The following VPS13D variants were observed in gnomAD, a reference collection of about 807,000 sequenced individuals.
VPS13D encodes the protein intermembrane lipid transfer protein VPS13D.
In VPS13D, 187 loss-of-function variants were observed where a neutral mutation model predicts 461.9. The observed-to-expected ratio is 0.40, with a 90% CI of 0.36 to 0.46. VPS13D has a LOEUF of 0.46. Ranked by LOEUF, VPS13D falls within the 20% of genes least tolerant of loss-of-function variation. The probability of loss-of-function intolerance (pLI) is 0.60; values close to 1 mark genes in which losing one functional copy is unlikely to be tolerated. For missense variants in VPS13D, 4,711 were observed against 5,364.9 expected (o/e 0.88, Z 3.81); for synonymous variants, 1,951 against 1,986.3 (o/e 0.98, Z 0.47).
chr1:12,292,593 T>C (rs2101429448), intron 23 of VPS13D, among the ~76,000 whole-genome samples: 1 of 151,970 alleles, frequency 6.6e-6, no homozygotes, highest in Middle Eastern at 3.4e-3. Context: ...GCATGCACCA[T>C]CACACCCGGC....
At position 12,279,703 on chromosome 1, in the gene VPS13D, AATATG is replaced by A. The variant is rs1195563407; in HGVS notation, c.4602+58_4602+62del. 1.4e-6 allele frequency: 2 copies of A among 1,406,136 alleles called. No individual in the cohort carries two copies. Among genetic ancestry groups the A allele is most frequent in the Non-Finnish European group, 1.9e-6 (2 of 1,046,448 alleles). The allele number at this position is 1,406,136 out of a possible 1,614,324, so 87.1% of individuals were successfully genotyped here. On this transcript the variant is annotated intron_variant, in intron 20 of 69. Transcript: ENST00000620676. This position sits in a 1 kb window ranked among gnomAD's most constrained non-coding sequence, Gnocchi z 4.3. ...CATATGTTTATATTAGTACTCTATA[AATATG>A]ATATATATTTATGTATATTACATGT...
intron 65 of VPS13D, among the ~76,000 whole-genome samples, chr1:12,427,589 C>T (rs1644939087): frequency 6.6e-6 from 1 of 152,030 alleles, no homozygotes; most frequent in South Asian, 2.1e-4. Flanking sequence ...ATAGCATTTA[C>T]ATGGTAAAGT....
rs147297124 is a variant in VPS13D, at chr1:12,283,402, C to T, written c.5300C>T (p.Thr1767Ile). ...CCCTTGACCCCACCTCCTTCTCCAA[C>T]AGTGGATGAGCCCAAGATACTTGTT... ...DYPLTPPPSPTVDEPKILVGK... is the reference protein window; with the variant it reads ...DYPLTPPPSPIVDEPKILVGK... The change falls in exon 21 of 70, where the codon ACA (threonine) becomes ATA (isoleucine). Residue 1767 changes from threonine (T) to isoleucine (I), a missense_variant. By Grantham distance (89) the Thr-to-Ile change is moderately conservative. This residue lies in a region of VPS13D where 4,411 missense variants were observed against 4,937.8 expected (regional missense o/e 0.89). Coordinates refer to ENST00000620676, the MANE Select transcript of VPS13D (RefSeq NM_015378.4). 284 of 1,614,226 alleles carry T rather than the reference C, an allele frequency of 1.8e-4. 3 individuals carry two copies. The East Asian group carries it at 3.5e-3, about 20-fold the overall frequency.
At chr1:12,267,417 A>G (rs1204038289) in intron 14 of VPS13D, among the ~76,000 whole-genome samples, 1 of 152,182 alleles carries the variant, frequency 6.6e-6, no homozygotes, top group Admixed American at 6.5e-5. Flanking sequence ...AATTTTTAAA[A>G]TATAATATAC....
chr1:12,483,954 T>C (rs1280777423), intron 67 of VPS13D, among the ~76,000 whole-genome samples: 1 of 150,516 alleles, frequency 6.6e-6, no homozygotes, highest in East Asian at 2.0e-4. Flanking sequence ...GCCGAGATGG[T>C]GCCACTGCAC....
chr1:12,415,212 T>A lies in VPS13D; in HGVS notation c.12156T>A (p.His4052Gln), dbSNP rs147406998. 3 of 1,614,094 alleles carry A rather than the reference T, an allele frequency of 1.9e-6. No individual in the cohort carries two copies. Among genetic ancestry groups the A allele is most frequent in the African/African-American group, 1.3e-5 (1 of 75,062 alleles). Residue 4052 changes from histidine (H) to glutamine (Q), a missense_variant, in exon 64 of 70, where the codon CAT (histidine) becomes CAA (glutamine). Coordinates refer to ENST00000620676, the MANE Select transcript of VPS13D (RefSeq NM_015378.4). Reference sequence around the variant, plus strand: ...TCATCATCAATGATATCCTCAAACATTTCCAGGAGGTGAGGCTTGGAGAAG... The same window carrying A: ...TCATCATCAATGATATCCTCAAACAATTCCAGGAGGTGAGGCTTGGAGAAG... Reference protein sequence around the residue: ...KEFIINDILKHFQEELLSQAA... With the variant: ...KEFIINDILKQFQEELLSQAA...
chr1:12,365,362 T>C (rs952129246), intron 52 of VPS13D, among the ~76,000 whole-genome samples: 2 of 152,228 alleles, frequency 1.3e-5, no homozygotes, highest in Non-Finnish European at 2.9e-5. Flanking sequence ...TCTTAAAAAT[T>C]ATGTTTTCCA....
At chr1:12,384,979 T>G (rs1644332080) in intron 58 of VPS13D, among the ~76,000 whole-genome samples, 1 of 152,168 alleles carries the variant, frequency 6.6e-6, no homozygotes, top group African/African-American at 2.4e-5. Context: ...TCTTGAGGTT[T>G]GCATATTTTG....
At chr1:12,379,865 T>G (rs1644249499) in intron 57 of VPS13D, among the ~76,000 whole-genome samples, 1 of 151,392 alleles carries the variant, frequency 6.6e-6, no homozygotes, top group Non-Finnish European at 1.5e-5. Flanking sequence ...GCCTCCCGGG[T>G]TCACGCCATT....
At position 12,333,305 on chromosome 1, in the gene VPS13D, ACTGAAG is replaced by A; in HGVS notation, c.8370_8375del (p.Lys2791_Leu2792del). The A allele has an allele frequency of 6.2e-7, 1 of 1,614,154 alleles. No homozygotes were observed. The highest frequency in any genetic ancestry group is 8.5e-7 in the Non-Finnish European group (1 of 1,180,004). ...CAGCTAGTCGTCTCCATCCTCCTCG[ACTGAAG>A]CTAGAAGCCAAGGCCAAACCTCGTT... On this transcript the variant is annotated inframe_deletion, in exon 38 of 70. Transcript: ENST00000620676.
chr1:12,244,495 A>C, intron 4 of VPS13D, 42 bp from the exon 5 acceptor site: 1 of 1,614,018 alleles, frequency 6.2e-7, no homozygotes, highest in Non-Finnish European at 8.5e-7. Flanking sequence ...TAAGATGAGC[A>C]AGAACACTAG....
chr1:12,256,889 A>G, intron 8 of VPS13D, 98 bp from the exon 9 acceptor site: 1 of 1,294,126 alleles, frequency 7.7e-7, no homozygotes, highest in Non-Finnish European at 1.1e-6. Context: ...AATTCAGTGG[A>G]TCAACTAATG....
Position 12,302,832 on chromosome 1 carries a change from CTT to C in VPS13D, c.6217-1656_6217-1655del, listed in dbSNP as rs60602915. Among the ~76,000 whole-genome samples, 571 of 121,064 alleles carry C rather than the reference CTT, an allele frequency of 4.7e-3. 3 individuals are homozygous for C. The highest frequency in any genetic ancestry group is 0.014 in the African/African-American group (471 of 32,714). 79.4% of individuals were successfully genotyped at this position (121,064 alleles called of 152,430 possible). A position where few individuals can be genotyped will look rare whatever the true frequency, so the allele number is the denominator to read the frequency against. On this transcript the variant is annotated intron_variant, in intron 25 of 69. Coordinates refer to ENST00000620676, the MANE Select transcript of VPS13D (RefSeq NM_015378.4). The stretch of plus-strand genomic sequence containing the variant: ...TCTTAAGGCCCATTGAAAAGAATTC[CTT>C]TTTTTTTTTTTTTTTTTAGCCTTCA...
intron 52 of VPS13D, among the ~76,000 whole-genome samples, chr1:12,365,329 C>T (rs1644018461): frequency 6.6e-6 from 1 of 152,118 alleles, no homozygotes; most frequent in African/African-American, 2.4e-5. Context: ...GCATTAAGTC[C>T]ATAGGGTTTT....
At chr1:12,363,868 G>A (rs890467759) in intron 52 of VPS13D, among the ~76,000 whole-genome samples, 4 of 146,076 alleles carry the variant, frequency 2.7e-5, no homozygotes, top group African/African-American at 1.0e-4. Context: ...CAGGAGAATC[G>A]CCTGAATCGG....
chr1:12,314,381 G>A, intron 30 of VPS13D, 54 bp downstream of exon 30: 4 of 1,567,074 alleles, frequency 2.6e-6, no homozygotes, highest in Non-Finnish European at 3.5e-6. Context: ...TCCCTTTTGG[G>A]TCACGTCTTT....
rs780994735 is a variant in VPS13D, at chr1:12,267,011, A to G, written c.1725A>G (p.Pro575=). 1 of 1,587,908 alleles carries G rather than the reference A, an allele frequency of 6.3e-7. No homozygotes were observed. Among genetic ancestry groups the G allele is most frequent in the South Asian group, 1.2e-5 (1 of 85,908 alleles). The change falls in exon 14 of 70, where the codon CCA becomes CCG. Residue 575 remains proline (P), a splice_region_variant and synonymous_variant. Transcript: ENST00000620676. ...TTCCTCTTCTAGTCTTCCCTAATCC[A>G]GTATGTACAACAGTTGGATAGTTAA... ...TMFPLLVFPN[P]QKEVGRVSQS... is the part of the protein sequence containing the mutation.
chr1:12,282,324 T>C (rs1235654988), intron 20 of VPS13D, among the ~76,000 whole-genome samples: 1 of 152,264 alleles, frequency 6.6e-6, no homozygotes, highest in Non-Finnish European at 1.5e-5. Flanking sequence ...TAACTGGTGA[T>C]GATCAGCCAG....
At chr1:12,368,441 A>G (rs750121865) in intron 52 of VPS13D, 27 bp from the exon 53 acceptor site, 2 of 1,582,600 alleles carry the variant, frequency 1.3e-6, no homozygotes, top group Non-Finnish European at 8.6e-7. Context: ...CATTTTATGT[A>G]GCCTCTTTTG....
Sources: gnomAD v4.1 joint callset for allele counts (sites outside exome capture counted in the v4.1 genomes callset) on GRCh38, gnomAD v4.1.1 for gene constraint, gnomAD v4.1.1 regional missense constraint, Gnocchi (gnomAD v3.1) non-coding constraint, MANE v1.5 for transcripts, NCBI Gene and HGNC (gene_info 2026-07-23, HGNC 2026-07-21) for gene names.